Variants in DGKB observed in about 807,000 individuals in gnomAD.
The protein encoded by DGKB is diacylglycerol kinase beta, also known as 90 kDa diacylglycerol kinase.
Under a neutral mutation model 114.3 loss-of-function variants are expected in DGKB, and 67 were observed. That is an observed-to-expected ratio of 0.59 (90% confidence interval 0.48 to 0.72). The LOEUF (loss-of-function observed/expected upper bound fraction) is 0.72, where lower values mean the gene tolerates loss of function less well. Among genes scored for constraint, DGKB ranks in the 30% least tolerant of loss-of-function variants. The pLI, the probability that DGKB is intolerant of heterozygous loss-of-function variation, is 0.00. For synonymous variants in DGKB, 398 were observed against 323.1 expected (o/e 1.23, Z -2.49); for missense variants, 907 against 975.2 (o/e 0.93, Z 0.93).
At chr7:14,819,844 A>G (rs79919118) in intron 2 of DGKB, among the ~76,000 whole-genome samples, 6,387 of 152,238 alleles carry the variant, frequency 0.042, 229 homozygotes, top group East Asian at 0.17. Context: ...ACACTAGGTA[A>G]AATATTAAAA....
chr7:14,739,647 A>C lies in DGKB; in HGVS notation c.169-3453T>G, dbSNP rs151317714. On this transcript the variant is annotated intron_variant, in intron 4 of 25. Coordinates refer to ENST00000402815, the MANE Select transcript of DGKB (RefSeq NM_001350709.2). Reference sequence around the variant, plus strand: ...TGATGGCCTATATGGGGATATGAGGAAGAGCGAGTAAAATGCGAACCCAAG... The same window carrying C: ...TGATGGCCTATATGGGGATATGAGGCAGAGCGAGTAAAATGCGAACCCAAG... Among the ~76,000 whole-genome samples the C allele has an allele frequency of 1.9e-3, 282 of 152,270 alleles. 1 individual carries two copies. The highest frequency in any genetic ancestry group is 6.6e-3 in the African/African-American group (274 of 41,550).
intron 5 of DGKB, among the ~76,000 whole-genome samples, chr7:14,721,975 ATCTC>A (rs951401284): frequency 6.6e-6 from 1 of 152,084 alleles, no homozygotes; most frequent in African/African-American, 2.4e-5. Flanking sequence ...TACTTCAAAT[ATCTC>A]TCTGTGTTTC....
chr7:14,418,120 G>GT (rs995972356), intron 21 of DGKB, among the ~76,000 whole-genome samples: 14 of 128,724 alleles, frequency 1.1e-4, no homozygotes, highest in Admixed American at 8.6e-5. Flanking sequence ...TAGAGTTAGA[G>GT]TTTTTAAAAA....
At chr7:14,233,081 A>G (rs1792165340) in intron 23 of DGKB, among the ~76,000 whole-genome samples, 2 of 152,086 alleles carry the variant, frequency 1.3e-5, no homozygotes, top group East Asian at 3.9e-4. Context: ...GCAAAAAGAG[A>G]GTAATTTCTT....
At chr7:14,557,213 C>T (rs897583086) in intron 20 of DGKB, among the ~76,000 whole-genome samples, 1 of 152,208 alleles carries the variant, frequency 6.6e-6, no homozygotes, top group African/African-American at 2.4e-5. Context: ...CTACCGCTTG[C>T]TCTTCAGCAA....
At chr7:14,906,915 T>C (rs535903199), upstream of DGKB, among the ~76,000 whole-genome samples, 3 of 152,324 alleles carry the variant, frequency 2.0e-5, no homozygotes, top group Non-Finnish European at 2.9e-5. Flanking sequence ...TTAAAGAATA[T>C]ACAATCCCAT....
chr7:14,725,762 G>A (rs560506253), intron 5 of DGKB, among the ~76,000 whole-genome samples: 59 of 152,056 alleles, frequency 3.9e-4, no homozygotes, highest in African/African-American at 1.2e-3. Context: ...TGGCCAGGCT[G>A]GTCTCAAACT....
At chr7:14,302,363 G>A (rs1269742980) in intron 23 of DGKB, among the ~76,000 whole-genome samples, 3 of 151,996 alleles carry the variant, frequency 2.0e-5, no homozygotes, top group Non-Finnish European at 4.4e-5. Context: ...AAATCAGCAA[G>A]TGTATATTTT....
At chr7:14,566,389 CA>C (rs1797384810) in intron 20 of DGKB, among the ~76,000 whole-genome samples, 1 of 151,952 alleles carries the variant, frequency 6.6e-6, no homozygotes, top group African/African-American at 2.4e-5. Context: ...GACTGACATT[CA>C]AAAATAAGAC....
intron 20 of DGKB, among the ~76,000 whole-genome samples, chr7:14,535,725 T>G (rs1792364906): frequency 6.6e-6 from 1 of 152,026 alleles, no homozygotes; most frequent in Non-Finnish European, 1.5e-5. Flanking sequence ...GTAACTGGGA[T>G]TACAGGCACC....
intron 21 of DGKB, among the ~76,000 whole-genome samples, chr7:14,446,338 G>C (rs1308341845): frequency 6.6e-6 from 1 of 152,088 alleles, no homozygotes; most frequent in Non-Finnish European, 1.5e-5. Context: ...CCTCATCAAA[G>C]CTTCCTGAGA....
chr7:14,493,922 TCATA>T (rs748259020), intron 20 of DGKB, among the ~76,000 whole-genome samples: 4 of 125,562 alleles, frequency 3.2e-5, no homozygotes, highest in Non-Finnish European at 4.7e-5. Context: ...TATCATGGTA[TCATA>T]CACACACACA....
chr7:14,673,153 TAAAC>T (rs1221848264), intron 12 of DGKB, 126 bp from the exon 13 acceptor site: 2 of 588,182 alleles, frequency 3.4e-6, no homozygotes, highest in Non-Finnish European at 5.9e-6. Context: ...TAAGAACAAA[TAAAC>T]AGAGTCATAA....
intron 23 of DGKB, among the ~76,000 whole-genome samples, chr7:14,242,994 T>A (rs1034050706): frequency 6.6e-6 from 1 of 151,902 alleles, no homozygotes; most frequent in Non-Finnish European, 1.5e-5. Context: ...AGTATGAAGA[T>A]TGGAGATTGG....
chr7:14,201,954 T>A (rs1785959055), intron 23 of DGKB, among the ~76,000 whole-genome samples: 1 of 151,996 alleles, frequency 6.6e-6, no homozygotes. Flanking sequence ...TAGTCTTCTA[T>A]AAGAGGCTCC....
chr7:14,531,190 C>T lies in DGKB; in HGVS notation c.1770+43022G>A, dbSNP rs186416518. ...TCAGTAGAGGCTATTTCATTGGACGCTATAACTAAAGCAATAAAGAAAAAG... is the reference window on the plus strand; with the variant it reads ...TCAGTAGAGGCTATTTCATTGGACGTTATAACTAAAGCAATAAAGAAAAAG... On this transcript the variant is annotated intron_variant, in intron 20 of 25. Transcript: ENST00000402815. 2.7e-3 allele frequency among the ~76,000 whole-genome samples: 402 copies of T among 151,190 alleles called. 5 individuals are homozygous for T. The highest frequency in any genetic ancestry group is 9.2e-3 in the African/African-American group (382 of 41,346).
At chr7:14,574,815 CT>C (rs1216837682) in intron 19 of DGKB, among the ~76,000 whole-genome samples, 1 of 152,148 alleles carries the variant, frequency 6.6e-6, no homozygotes, top group Admixed American at 6.5e-5. Flanking sequence ...TTACCCTCAC[CT>C]TTTCCCGTCT....
chr7:14,792,186 G>T (rs1409624855), intron 2 of DGKB, among the ~76,000 whole-genome samples: 2 of 152,060 alleles, frequency 1.3e-5, no homozygotes, highest in Non-Finnish European at 2.9e-5. Flanking sequence ...GACATCTACA[G>T]GTTACTCAGC....
At chr7:14,556,681 A>G (rs1795925296) in intron 20 of DGKB, among the ~76,000 whole-genome samples, 1 of 152,150 alleles carries the variant, frequency 6.6e-6, no homozygotes, top group South Asian at 2.1e-4. Context: ...GGCTTTCTTG[A>G]AATAAACCCT....
Sources: allele counts gnomAD v4.1 joint callset (sites outside exome capture counted in the v4.1 genomes callset), GRCh38; gene constraint gnomAD v4.1.1; transcripts MANE v1.5; gene names NCBI Gene and HGNC (gene_info 2026-07-23, HGNC 2026-07-21).